SMOC1: variants seen among roughly 807,000 people sequenced by gnomAD.
SMOC1 encodes SPARC-related modular calcium-binding protein 1.
Under a neutral mutation model 56.3 loss-of-function variants are expected in SMOC1, and 22 were observed. The observed-to-expected ratio is 0.39, with a 90% CI of 0.28 to 0.56. SMOC1 has a LOEUF of 0.56. Among genes scored for constraint, SMOC1 ranks in the 20% least tolerant of loss-of-function variants. The pLI, the probability that SMOC1 is intolerant of heterozygous loss-of-function variation, is 0.61. For missense variants in SMOC1, 509 were observed against 565.4 expected (o/e 0.90, Z 1.01); for synonymous variants, 193 against 215.0 (o/e 0.90, Z 0.89).
intron 5 of SMOC1, among the ~76,000 whole-genome samples, chr14:69,991,644 T>C (rs1401823031): frequency 6.6e-6 from 1 of 152,166 alleles, no homozygotes; most frequent in African/African-American, 2.4e-5. Flanking sequence ...TGATAAGCAT[T>C]AGGACTTTGT....
At chr14:69,896,354 C>G (rs1233210588) in intron 1 of SMOC1, among the ~76,000 whole-genome samples, 2 of 152,098 alleles carry the variant, frequency 1.3e-5, no homozygotes, top group Non-Finnish European at 2.9e-5. Context: ...CTTTCTAGCT[C>G]TGCCACTTTC....
chr14:69,883,955 G>A (rs1378874906), intron 1 of SMOC1, among the ~76,000 whole-genome samples: 70 of 126,924 alleles, frequency 5.5e-4, no homozygotes, highest in Non-Finnish European at 1.0e-3. Context: ...GCCGGACTGC[G>A]GACTGCAGTG....
intron 9 of SMOC1, among the ~76,000 whole-genome samples, chr14:70,012,888 A>G (rs1885390643): frequency 6.6e-6 from 1 of 152,198 alleles, no homozygotes. Flanking sequence ...GAGGGAAGTG[A>G]AAAAAGGAGG....
At chr14:70,005,195 AG>A (rs1158867812) in intron 7 of SMOC1, among the ~76,000 whole-genome samples, 12 of 152,366 alleles carry the variant, frequency 7.9e-5, no homozygotes, top group Admixed American at 2.6e-4. Context: ...GAAAGGAAAA[AG>A]ATGATGAAGA....
At chr14:69,948,561 G>A (rs970404837) in intron 1 of SMOC1, among the ~76,000 whole-genome samples, 1 of 152,094 alleles carries the variant, frequency 6.6e-6, no homozygotes, top group East Asian at 1.9e-4. Context: ...CGATTTTTTG[G>A]CCTGTAGTTC....
intron 1 of SMOC1, among the ~76,000 whole-genome samples, chr14:69,912,580 A>G (rs1884582358): frequency 1.3e-5 from 2 of 152,154 alleles, no homozygotes; most frequent in Non-Finnish European, 2.9e-5. Flanking sequence ...CATTCACATA[A>G]AGGAATTCCA....
At chr14:69,997,455 C>T (rs976426178) in intron 7 of SMOC1, among the ~76,000 whole-genome samples, 4 of 152,210 alleles carry the variant, frequency 2.6e-5, no homozygotes, top group Admixed American at 2.0e-4. Flanking sequence ...AACCTGGTTT[C>T]CAATGCTAGC....
Position 69,977,933 on chromosome 14 carries a change from A to C in SMOC1, c.494A>C (p.Lys165Thr). 2.5e-6 allele frequency: 4 copies of C among 1,614,100 alleles called. No individual in the cohort carries two copies. The highest frequency in any genetic ancestry group is 3.4e-6 in the Non-Finnish European group (4 of 1,179,928). ...TPVCSGSVTD[K>T]PLSQGNSGRK... Reference sequence around the variant, plus strand: ...CTCACCCAAGGTTCAGTCACCGACAAGCCCTTGAGCCAGGGTAACTCAGGA... The same window carrying C: ...CTCACCCAAGGTTCAGTCACCGACACGCCCTTGAGCCAGGGTAACTCAGGA... Residue 165 changes from lysine (K) to threonine (T), a missense_variant, in exon 5 of 12, where the codon AAG (lysine) becomes ACG (threonine). By Grantham distance (78) the Lys-to-Thr change is moderately conservative (BLOSUM62 -1). Transcript: ENST00000361956.
At chr14:70,023,014 G>T (rs1322116146) in intron 10 of SMOC1, among the ~76,000 whole-genome samples, 189 bp from the exon 11 acceptor site, 2 of 152,184 alleles carry the variant, frequency 1.3e-5, no homozygotes, top group Middle Eastern at 3.2e-3. Context: ...AGAAAAGAAT[G>T]GTCCAATCTT....
At chr14:69,886,104 C>T (rs1883802515) in intron 1 of SMOC1, 6 of 1,553,138 alleles carry the variant, frequency 3.9e-6, no homozygotes, top group African/African-American at 1.3e-5. Flanking sequence ...GGGGCCGGAG[C>T]CACCTTCTTT....
At chr14:69,970,315 G>T (rs1051632590) in intron 3 of SMOC1, among the ~76,000 whole-genome samples, 1 of 152,100 alleles carries the variant, frequency 6.6e-6, no homozygotes, top group Admixed American at 6.5e-5. Flanking sequence ...TCCATCTGCC[G>T]GGACAAGGTA....
chr14:69,984,925 C>T (rs1312591620), intron 5 of SMOC1, among the ~76,000 whole-genome samples: 1 of 151,488 alleles, frequency 6.6e-6, no homozygotes, highest in Non-Finnish European at 1.5e-5. Context: ...ACCTGTAATC[C>T]CAGCTACTCG....
chr14:70,012,839 A>G (rs1036860180), intron 9 of SMOC1, among the ~76,000 whole-genome samples: 1 of 152,228 alleles, frequency 6.6e-6, no homozygotes, highest in African/African-American at 2.4e-5. Flanking sequence ...GGGAGTATTT[A>G]CAAGAGAGAT....
chr14:69,943,415 G>A (rs1473205371), intron 1 of SMOC1, among the ~76,000 whole-genome samples: 1 of 152,202 alleles, frequency 6.6e-6, no homozygotes, highest in Admixed American at 6.5e-5. Context: ...GAGCGAGCTG[G>A]CAGATATAGG....
chr14:69,953,604 G>A, intron 3 of SMOC1, 72 bp downstream of exon 3: 1 of 1,287,600 alleles, frequency 7.8e-7, no homozygotes, highest in Non-Finnish European at 1.1e-6. Context: ...GAGAGCGCGA[G>A]GGCTGCTTGG....
chr14:69,964,764 ATT>A, intron 3 of SMOC1, among the ~76,000 whole-genome samples: 3 of 152,340 alleles, frequency 2.0e-5, no homozygotes, highest in South Asian at 4.1e-4. Context: ...ATGTTAAGTT[ATT>A]CAGTCCTCAC....
chr14:69,895,068 A>G (rs115596761), intron 1 of SMOC1, among the ~76,000 whole-genome samples: 419 of 152,300 alleles, frequency 2.8e-3, no homozygotes, highest in African/African-American at 9.0e-3. Flanking sequence ...CACTTGGAAA[A>G]GTGGCACAAT....
At chr14:69,972,291 A>G (rs1416314260) in intron 3 of SMOC1, among the ~76,000 whole-genome samples, 1 of 152,138 alleles carries the variant, frequency 6.6e-6, no homozygotes, top group Non-Finnish European at 1.5e-5. Context: ...ACAACCTCTC[A>G]TTGTGGAATC....
intron 10 of SMOC1, among the ~76,000 whole-genome samples, chr14:70,015,040 C>CA (rs1310623053): frequency 1.3e-5 from 2 of 152,086 alleles, no homozygotes; most frequent in Non-Finnish European, 2.9e-5. Context: ...CACACAATAG[C>CA]CAAGATATGG....
Sources: gnomAD v4.1 joint callset for allele counts (sites outside exome capture counted in the v4.1 genomes callset) on GRCh38, gnomAD v4.1.1 for gene constraint, MANE v1.5 for transcripts, NCBI Gene and HGNC (gene_info 2026-07-23, HGNC 2026-07-21) for gene names.